The following SNTG2 variants were observed in gnomAD, a reference collection of about 807,000 sequenced individuals.
SNTG2 encodes syntrophin gamma 2.
In SNTG2, 74 loss-of-function variants were observed where a neutral mutation model predicts 70.9. That is an observed-to-expected ratio of 1.04 (90% CI 0.86 to 1.27). SNTG2 has a LOEUF of 1.27. Ranked by LOEUF, SNTG2 falls within the 50% of genes most tolerant of loss-of-function variation. The pLI, the probability that SNTG2 is intolerant of heterozygous loss-of-function variation, is 0.00. For synonymous variants in SNTG2, 278 were observed against 273.8 expected, an observed-to-expected ratio of 1.02 and a Z score of -0.15; for missense variants, 717 against 690.7, an observed-to-expected ratio of 1.04 and a Z score of -0.43.
intron 9 of SNTG2, among the ~76,000 whole-genome samples, chr2:1,225,918 T>A (rs1451212701): frequency 6.6e-6 from 1 of 152,078 alleles, no homozygotes; most frequent in Non-Finnish European, 1.5e-5. Flanking sequence ...CGGAGGCCCA[T>A]TAACACCAGC....
At chr2:1,241,077 T>A (rs1677016574) in intron 11 of SNTG2, among the ~76,000 whole-genome samples, 1 of 152,206 alleles carries the variant, frequency 6.6e-6, no homozygotes, top group African/African-American at 2.4e-5. Flanking sequence ...TATGAATAAT[T>A]TACCATTTTG....
intron 9 of SNTG2, among the ~76,000 whole-genome samples, chr2:1,216,995 T>A (rs551242555): frequency 2.0e-5 from 3 of 152,266 alleles, no homozygotes; most frequent in South Asian, 2.1e-4. Flanking sequence ...CACCCTTCAT[T>A]GTTGCTGTGG....
intron 12 of SNTG2, among the ~76,000 whole-genome samples, chr2:1,248,356 C>T (rs1480138289): frequency 6.6e-6 from 1 of 152,220 alleles, no homozygotes; most frequent in Non-Finnish European, 1.5e-5. Context: ...ATCTGGCAAA[C>T]CACCATTTGA....
chr2:1,308,078 T>C lies in SNTG2; in HGVS notation c.1285-416T>C, dbSNP rs187262931. Among the ~76,000 whole-genome samples, 283 of 152,336 alleles carry C rather than the reference T, an allele frequency of 1.9e-3. 1 individual carries two copies. Among genetic ancestry groups the C allele is most frequent in the African/African-American group, 6.4e-3 (267 of 41,576 alleles). On this transcript the variant is annotated intron_variant, in intron 14 of 16. Transcript: ENST00000308624. ...TCTCAGGAAAGTGCCGCTTCCAGCT[T>C]CTGCCGGAACATGCTTGTGGGCCTC...
chr2:953,195 TGAGTTCATG>T (rs1162639495), intron 1 of SNTG2, among the ~76,000 whole-genome samples: 1 of 152,204 alleles, frequency 6.6e-6, no homozygotes, highest in African/African-American at 2.4e-5. Flanking sequence ...CTAAGTTAAG[TGAGTTCATG>T]GAGCTCTGTC....
chr2:1,210,559 A>C (rs2147996483), intron 9 of SNTG2: 1 of 152,320 alleles, frequency 6.6e-6, no homozygotes, highest in South Asian at 2.1e-4. Flanking sequence ...TGACGTAGAC[A>C]AACCTACTGC....
intron 8 of SNTG2, among the ~76,000 whole-genome samples, chr2:1,183,315 T>A (rs1056975597): frequency 6.6e-6 from 1 of 151,552 alleles, no homozygotes; most frequent in African/African-American, 2.4e-5. Context: ...ATGATTCATT[T>A]GTGCACATGT....
At position 1,221,909 on chromosome 2, in the gene SNTG2, G is replaced by GTCTC. The variant is rs1477447085; in HGVS notation, c.719+12681_719+12684dup. On this transcript the variant is annotated intron_variant, in intron 9 of 16. Coordinates refer to ENST00000308624, the MANE Select transcript of SNTG2 (RefSeq NM_018968.4). ...TCTGTCTGTGTCTCTCTCTGTCTCTGTCTCTGTCTCTCTCTGTCTCTCTCT... is the reference window on the plus strand; with the variant it reads ...TCTGTCTGTGTCTCTCTCTGTCTCTGTCTCTCTCTGTCTCTCTCTGTCTCTCTCT... Among the ~76,000 whole-genome samples, 3 of 6,348 alleles carry GTCTC rather than the reference G, an allele frequency of 4.7e-4. 1 individual carries two copies. The highest frequency in any genetic ancestry group is 2.6e-3 in the African/African-American group (3 of 1,136). The allele number at this position is 6,348 out of a possible 152,430, so 4.2% of individuals were successfully genotyped here.
chr2:1,310,178 C>T (rs1680909590), intron 15 of SNTG2, among the ~76,000 whole-genome samples: 1 of 152,224 alleles, frequency 6.6e-6, no homozygotes, highest in African/African-American at 2.4e-5. Context: ...AGCCCCCTCA[C>T]TGCAGCCCCT....
At chr2:1,203,671 A>C (rs60548146) in intron 8 of SNTG2, among the ~76,000 whole-genome samples, 1,245 of 67,064 alleles carry the variant, frequency 0.019, 19 homozygotes, top group East Asian at 0.087. Context: ...AACAAAAAAA[A>C]AAATATATAT....
chr2:1,069,496 A>AC (rs57219352), intron 1 of SNTG2, among the ~76,000 whole-genome samples: 1 of 151,882 alleles, frequency 6.6e-6, no homozygotes, highest in African/African-American at 2.4e-5. Flanking sequence ...TAGGAAAAAA[A>AC]AAAAAACAAA....
chr2:1,140,013 T>G (rs1668645285), intron 6 of SNTG2, among the ~76,000 whole-genome samples: 1 of 152,142 alleles, frequency 6.6e-6, no homozygotes, highest in South Asian at 2.1e-4. Flanking sequence ...AATCTCAATT[T>G]TTCCGATGCA....
At chr2:1,221,734 T>C (rs1316627889) in intron 9 of SNTG2, among the ~76,000 whole-genome samples, 4 of 5,114 alleles carry the variant, frequency 7.8e-4, no homozygotes, top group East Asian at 0.019. Context: ...TCTGTCTCTG[T>C]CTCTCTCTGT....
intron 1 of SNTG2, among the ~76,000 whole-genome samples, chr2:1,058,666 G>T (rs547167967): frequency 6.6e-6 from 1 of 152,352 alleles, no homozygotes; most frequent in East Asian, 1.9e-4. Flanking sequence ...TTGGGGACCT[G>T]CATGGGAGTA....
chr2:1,193,327 C>T (rs911294975), intron 8 of SNTG2, among the ~76,000 whole-genome samples: 6 of 152,266 alleles, frequency 3.9e-5, no homozygotes, highest in African/African-American at 1.2e-4. Context: ...TTTGGGAAAG[C>T]CCTCCCTCCT....
chr2:1,093,612 C>G (rs1336241557), intron 2 of SNTG2, among the ~76,000 whole-genome samples: 1 of 152,218 alleles, frequency 6.6e-6, no homozygotes, highest in Non-Finnish European at 1.5e-5. Context: ...ATTGGCTGAG[C>G]CTTTTCTCTC....
At chr2:1,320,585 C>T (rs1021930144) in intron 16 of SNTG2, among the ~76,000 whole-genome samples, 56 of 149,462 alleles carry the variant, frequency 3.7e-4, no homozygotes, top group Admixed American at 6.0e-4. Context: ...AAAAAAATCA[C>T]GTAGAATTCA....
intron 1 of SNTG2, among the ~76,000 whole-genome samples, chr2:1,072,346 TTTC>T (rs1553319338): frequency 0.4 from 40,841 of 101,172 alleles, 8,036 homozygotes; most frequent in Non-Finnish European, 0.47. Flanking sequence ...TCTTTTTCTT[TTTC>T]TTTTTTTTTT....
intron 4 of SNTG2, among the ~76,000 whole-genome samples, chr2:1,109,319 C>G (rs1666287587): frequency 1.3e-5 from 2 of 151,932 alleles, no homozygotes; most frequent in African/African-American, 4.8e-5. Flanking sequence ...TCCAACACAG[C>G]AAAACTTTCG....
Sources: allele counts gnomAD v4.1 joint callset (sites outside exome capture counted in the v4.1 genomes callset), GRCh38; gene constraint gnomAD v4.1.1; transcripts MANE v1.5; gene names NCBI Gene and HGNC (gene_info 2026-07-23, HGNC 2026-07-21).